The following KIF6 variants were observed in gnomAD, a reference collection of about 807,000 sequenced individuals.
KIF6 encodes kinesin family member 6.
Under a neutral mutation model 112.7 loss-of-function variants are expected in KIF6, and 106 were observed. That is an observed-to-expected ratio of 0.94 (90% CI 0.80 to 1.11). The LOEUF is 1.11. KIF6 is among the 50% of genes least tolerant of loss of function. The pLI is 0.00. For missense variants in KIF6, 929 were observed against 964.0 expected (o/e 0.96, Z 0.48); for synonymous variants, 339 against 339.9 (o/e 1.00, Z 0.03).
chr6:39,499,817 G>A (rs191076141), intron 13 of KIF6, among the ~76,000 whole-genome samples: 3 of 152,328 alleles, frequency 2.0e-5, no homozygotes, highest in Admixed American at 1.3e-4. Context: ...GCTGAAGATA[G>A]CAAAATTGGT....
intron 5 of KIF6, among the ~76,000 whole-genome samples, chr6:39,624,387 G>GACAC (rs1783985134): frequency 6.6e-6 from 1 of 152,226 alleles, no homozygotes; most frequent in Non-Finnish European, 1.5e-5. Flanking sequence ...AGCTATAATA[G>GACAC]ACGTGTTTCT....
intron 10 of KIF6, among the ~76,000 whole-genome samples, chr6:39,562,557 A>G (rs1302368262): frequency 6.6e-6 from 1 of 152,238 alleles, no homozygotes; most frequent in African/African-American, 2.4e-5. Flanking sequence ...ATTTAAGTTT[A>G]AGTCACCACT....
chr6:39,494,150 T>A (rs1171497015), intron 13 of KIF6, among the ~76,000 whole-genome samples: 2 of 152,246 alleles, frequency 1.3e-5, no homozygotes, highest in Non-Finnish European at 2.9e-5. Flanking sequence ...TATTACTGAC[T>A]TGATATATAG....
At chr6:39,616,298 A>G (rs1413891320) in intron 5 of KIF6, among the ~76,000 whole-genome samples, 1 of 152,198 alleles carries the variant, frequency 6.6e-6, no homozygotes, top group African/African-American at 2.4e-5. Context: ...GTGCTTGTCC[A>G]GCTTTGTCAC....
intron 10 of KIF6, among the ~76,000 whole-genome samples, chr6:39,566,822 T>C (rs990821173): frequency 6.6e-5 from 10 of 152,232 alleles, no homozygotes; most frequent in South Asian, 2.1e-4. Context: ...AAAGCATTTT[T>C]TCCAAGGTTC....
At chr6:39,477,254 G>A (rs1452953054) in intron 13 of KIF6, among the ~76,000 whole-genome samples, 3 of 152,138 alleles carry the variant, frequency 2.0e-5, no homozygotes, top group East Asian at 1.9e-4. Context: ...AGGTATTGTC[G>A]GTGGGTATGT....
At chr6:39,580,035 A>G (rs1049609761) in intron 9 of KIF6, among the ~76,000 whole-genome samples, 1 of 151,892 alleles carries the variant, frequency 6.6e-6, no homozygotes, top group African/African-American at 2.4e-5. Context: ...GTCAAATTCT[A>G]CCAAAGGCTC....
chr6:39,362,388 C>T, intron 17 of KIF6, 46 bp downstream of exon 17: 1 of 1,455,084 alleles, frequency 6.9e-7, no homozygotes, highest in Non-Finnish European at 9.7e-7. Context: ...ACACTGAGAC[C>T]CTGGGAGGCT....
chr6:39,482,225 C>T (rs1732828937), intron 13 of KIF6, among the ~76,000 whole-genome samples: 1 of 152,184 alleles, frequency 6.6e-6, no homozygotes, highest in Admixed American at 6.5e-5. Flanking sequence ...TTCCTGTTAA[C>T]CATTTTGTAT....
chr6:39,572,681 T>TTTTTTTTTTTA lies in KIF6; in HGVS notation c.1181+5374_1181+5375insTAAAAAAAAAA, dbSNP rs1554128231. 2.2e-5 allele frequency among the ~76,000 whole-genome samples: 3 copies of TTTTTTTTTTTA among 138,056 alleles called. 1 individual carries two copies. The highest frequency in any genetic ancestry group is 3.1e-5 in the Non-Finnish European group (2 of 65,128). The allele number at this position is 138,056 out of a possible 152,430, so 90.6% of individuals were successfully genotyped here. On this transcript the variant is annotated intron_variant, in intron 10 of 22. Transcript: ENST00000287152. ...AGGCTTTTTTTTTTTTTTTTTTTTT[T>TTTTTTTTTTTA]ACCAAAGAAACAATTGTATATGTGT...
chr6:39,648,585 C>T (rs139423258), intron 3 of KIF6, among the ~76,000 whole-genome samples: 2 of 152,146 alleles, frequency 1.3e-5, no homozygotes, highest in African/African-American at 4.8e-5. Flanking sequence ...AATTTGAATG[C>T]CTTTTTGCGA....
At chr6:39,451,366 G>A (rs1333545716) in intron 13 of KIF6, among the ~76,000 whole-genome samples, 3 of 152,208 alleles carry the variant, frequency 2.0e-5, no homozygotes, top group Non-Finnish European at 4.4e-5. Context: ...ATACAGGAAG[G>A]TCTCTCTGAA....
At chr6:39,581,518 T>C (rs1350981447) in intron 9 of KIF6, among the ~76,000 whole-genome samples, 3 of 152,118 alleles carry the variant, frequency 2.0e-5, no homozygotes, top group African/African-American at 4.8e-5. Flanking sequence ...GTTATGTAAA[T>C]TTGAATTTCA....
chr6:39,699,353 G>A (rs1355530121), intron 3 of KIF6, among the ~76,000 whole-genome samples: 2 of 152,294 alleles, frequency 1.3e-5, no homozygotes, highest in East Asian at 1.9e-4. Context: ...CTTTAAAGAG[G>A]TGACAGTGTG....
intron 19 of KIF6, among the ~76,000 whole-genome samples, chr6:39,351,341 C>T (rs9968856): frequency 0.011 from 1,651 of 152,132 alleles, 32 homozygotes; most frequent in African/African-American, 0.038. Flanking sequence ...AAAGATCCTA[C>T]CATCTCAGCC....
At chr6:39,645,099 A>G (rs1785096716) in intron 3 of KIF6, among the ~76,000 whole-genome samples, 1 of 152,086 alleles carries the variant, frequency 6.6e-6, no homozygotes, top group Admixed American at 6.6e-5. Context: ...AAATAAATCA[A>G]CCCTTTATAA....
chr6:39,650,171 C>T (rs1176964656), intron 3 of KIF6, among the ~76,000 whole-genome samples: 1 of 152,138 alleles, frequency 6.6e-6, no homozygotes, highest in East Asian at 1.9e-4. Context: ...GCACCTAATC[C>T]AAACAGCCCC....
At chr6:39,425,476 G>A (rs775553105) in intron 14 of KIF6, among the ~76,000 whole-genome samples, 5 of 151,592 alleles carry the variant, frequency 3.3e-5, no homozygotes, top group African/African-American at 4.9e-5. Context: ...TTCCTTTCCC[G>A]TTTCATCTCT....
chr6:39,364,096 CTT>C (rs56902405), intron 16 of KIF6, among the ~76,000 whole-genome samples: 7 of 145,390 alleles, frequency 4.8e-5, no homozygotes, highest in East Asian at 2.0e-4. Context: ...GTGTCTGGAA[CTT>C]TTTTTTTTTT....
Sources: gnomAD v4.1 joint callset for allele counts (sites outside exome capture counted in the v4.1 genomes callset) on GRCh38, gnomAD v4.1.1 for gene constraint, MANE v1.5 for transcripts, NCBI Gene and HGNC (gene_info 2026-07-23, HGNC 2026-07-21) for gene names.